The following SUPT3H variants were observed in gnomAD, a reference collection of about 807,000 sequenced individuals.
SUPT3H encodes SPT3 homolog, SAGA and STAGA complex component.
SUPT3H carries 44 observed loss-of-function variants against 44.3 expected under a neutral mutation model. The ratio of observed to expected loss-of-function variants is 0.99; its 90% CI spans 0.78 to 1.28. The LOEUF (loss-of-function observed/expected upper bound fraction) is 1.28. SUPT3H is among the 50% of genes most tolerant of loss of function. The pLI is 0.00. For synonymous variants in SUPT3H, 124 were observed against 125.6 expected (o/e 0.99, Z 0.09); for missense variants, 380 against 387.1 (o/e 0.98, Z 0.15).
intron 2 of SUPT3H, among the ~76,000 whole-genome samples, chr6:45,360,034 T>C (rs1002032766): frequency 6.6e-6 from 1 of 152,238 alleles, no homozygotes; most frequent in South Asian, 2.1e-4. Context: ...TATAGCACAG[T>C]AGTCACACAT....
At chr6:45,290,272 TTTTA>T (rs1408086673) in intron 2 of SUPT3H, among the ~76,000 whole-genome samples, 1 of 152,228 alleles carries the variant, frequency 6.6e-6, no homozygotes, top group African/African-American at 2.4e-5. Context: ...AGGCTCTTGC[TTTTA>T]TTTGTGAACA....
At chr6:45,346,295 A>G (rs1278290655) in intron 2 of SUPT3H, among the ~76,000 whole-genome samples, 4 of 152,300 alleles carry the variant, frequency 2.6e-5, no homozygotes, top group African/African-American at 9.6e-5. Flanking sequence ...TTCATAGGAA[A>G]TGCTATGAGA....
At chr6:45,064,550 G>A (rs879245178) in intron 3 of SUPT3H, among the ~76,000 whole-genome samples, 3 of 134,428 alleles carry the variant, frequency 2.2e-5, no homozygotes, top group Admixed American at 1.5e-4. Context: ...TCAGTGTGCT[G>A]TATTCAGGAA....
chr6:45,155,410 A>G (rs543009097), intron 2 of SUPT3H, among the ~76,000 whole-genome samples: 1 of 152,238 alleles, frequency 6.6e-6, no homozygotes, highest in South Asian at 2.1e-4. Context: ...AGATGAGGGA[A>G]GGGGCTGATG....
In SUPT3H at chr6:45,005,121, T is replaced by C. The variant is rs575292808; in HGVS notation, c.365-1329A>G. Among the ~76,000 whole-genome samples the C allele has an allele frequency of 3.3e-5, 5 of 152,332 alleles. No individual in the cohort carries two copies. In the East Asian group the frequency reaches 9.6e-4, roughly 29 times the overall value. ...AGTTAAGAGATTGTTTACCAGTGCA[T>C]TAACCTTCAAGTTTCCAAGACTAAT... On this transcript the variant is annotated intron_variant, in intron 5 of 10. Transcript: ENST00000371459.
At chr6:45,280,463 G>C (rs1411195394) in intron 2 of SUPT3H, among the ~76,000 whole-genome samples, 2 of 152,024 alleles carry the variant, frequency 1.3e-5, no homozygotes, top group Non-Finnish European at 2.9e-5. Flanking sequence ...CCAAGATCAT[G>C]CCACTGCAAA....
intron 10 of SUPT3H, among the ~76,000 whole-genome samples, chr6:44,862,817 A>T (rs1213474694): frequency 6.6e-6 from 1 of 152,110 alleles, no homozygotes; most frequent in Admixed American, 6.5e-5. Context: ...TAAAAGTTCA[A>T]TAAAGACGTA....
At chr6:44,887,213 A>G (rs182769639) in intron 10 of SUPT3H, among the ~76,000 whole-genome samples, 7 of 152,320 alleles carry the variant, frequency 4.6e-5, no homozygotes, top group Admixed American at 6.5e-5. Context: ...CATCAACGAG[A>G]CAGAAAGTTA....
At chr6:44,918,585 T>C (rs1476373535) in intron 10 of SUPT3H, among the ~76,000 whole-genome samples, 1 of 152,208 alleles carries the variant, frequency 6.6e-6, no homozygotes, top group East Asian at 1.9e-4. Flanking sequence ...CCAACTCATC[T>C]TGGAGTAATT....
chr6:45,056,627 A>G (rs905298569), intron 3 of SUPT3H, among the ~76,000 whole-genome samples: 1 of 152,196 alleles, frequency 6.6e-6, no homozygotes, highest in Non-Finnish European at 1.5e-5. Context: ...GTATGTTTTC[A>G]CTTACAAGTG....
chr6:44,858,916 C>T (rs892066127), intron 10 of SUPT3H, among the ~76,000 whole-genome samples: 2 of 152,040 alleles, frequency 1.3e-5, no homozygotes, highest in Non-Finnish European at 2.9e-5. Flanking sequence ...TTCCATAGTT[C>T]TAACTCATCC....
chr6:44,843,523 TAG>T (rs1771337543), intron 10 of SUPT3H, among the ~76,000 whole-genome samples: 1 of 152,100 alleles, frequency 6.6e-6, no homozygotes, highest in African/African-American at 2.4e-5. Flanking sequence ...TTACTGGAAC[TAG>T]AGAGTTTAGT....
At chr6:44,902,435 A>G (rs1765237779) in intron 10 of SUPT3H, among the ~76,000 whole-genome samples, 1 of 152,236 alleles carries the variant, frequency 6.6e-6, no homozygotes, top group Admixed American at 6.5e-5. Context: ...GAGACAAAGA[A>G]GTCCATAACA....
At position 44,961,732 on chromosome 6, in the gene SUPT3H, C is replaced by T. The variant is rs761822513; in HGVS notation, c.580+21G>A. The T allele has an allele frequency of 5.1e-6, 8 of 1,580,288 alleles. No individual in the cohort carries two copies. In the African/African-American group the frequency reaches 8.1e-5, roughly 16 times the overall value. ...CAAATCTCTTATGCATATAATTAAG[C>T]AAAGTTAAATAGTTACTTACAGAAA... On this transcript the variant is annotated intron_variant, in intron 7 of 10. Transcript: ENST00000371459.
chr6:45,066,244 T>C (rs1793287414), intron 3 of SUPT3H, among the ~76,000 whole-genome samples: 1 of 152,012 alleles, frequency 6.6e-6, no homozygotes, highest in South Asian at 2.1e-4. Context: ...GAAAAAGCCT[T>C]TGACAAAATT....
intron 2 of SUPT3H, among the ~76,000 whole-genome samples, chr6:45,345,939 C>T (rs183507049): frequency 2.3e-3 from 356 of 152,192 alleles, no homozygotes; most frequent in African/African-American, 7.9e-3. Flanking sequence ...GCCTCTGTGT[C>T]TTTGATCATG....
At chr6:45,362,501 G>A (rs1176332880) in intron 2 of SUPT3H, among the ~76,000 whole-genome samples, 1 of 152,118 alleles carries the variant, frequency 6.6e-6, no homozygotes, top group African/African-American at 2.4e-5. Context: ...AGAATTAAAT[G>A]TATATTGAGT....
chr6:45,209,505 G>T (rs575330410), intron 2 of SUPT3H, among the ~76,000 whole-genome samples: 4 of 152,332 alleles, frequency 2.6e-5, no homozygotes, highest in Admixed American at 2.0e-4. Context: ...GGTAGAAACT[G>T]TAAGAGAATT....
At chr6:44,845,153 A>G (rs911052936) in intron 10 of SUPT3H, among the ~76,000 whole-genome samples, 1 of 152,230 alleles carries the variant, frequency 6.6e-6, no homozygotes, top group Non-Finnish European at 1.5e-5. Flanking sequence ...AACTGTGTAT[A>G]TAATTATACA....
Sources: allele counts gnomAD v4.1 joint callset (sites outside exome capture counted in the v4.1 genomes callset), GRCh38; gene constraint gnomAD v4.1.1; transcripts MANE v1.5; gene names NCBI Gene and HGNC (gene_info 2026-07-23, HGNC 2026-07-21).